The following MTG1 variants were observed in gnomAD, a reference collection of about 807,000 sequenced individuals.
MTG1 encodes mitochondrial ribosome-associated GTPase 1.
MTG1 carries 30 observed loss-of-function variants against 39.5 expected under a neutral mutation model. That is an observed-to-expected ratio of 0.76 (90% CI 0.57 to 1.03). The LOEUF is 1.03. Ranked by LOEUF, MTG1 falls within the 50% of genes least tolerant of loss-of-function variation. The pLI is 0.00. For synonymous variants in MTG1, 217 were observed against 179.0 expected (o/e 1.21, Z -1.69); for missense variants, 513 against 447.4 (o/e 1.15, Z -1.32).
At chr10:133,401,648 A>AGACG in intron 7 of MTG1, 58 bp downstream of exon 7, 1 of 1,530,022 alleles carries the variant, frequency 6.5e-7, no homozygotes, top group Non-Finnish European at 9.0e-7. Flanking sequence ...GGCGTCTGGC[A>AGACG]CCTGCCGACC....
intron 9 of MTG1, among the ~76,000 whole-genome samples, chr10:133,416,018 C>CGCGG (rs1850125232): frequency 1.4e-5 from 1 of 69,834 alleles, no homozygotes; most frequent in Non-Finnish European, 2.8e-5. Flanking sequence ...GTGTCGGGCA[C>CGCGG]GTGGGTGTCG....
chr10:133,412,241 T>C (rs1001375463), intron 9 of MTG1, among the ~76,000 whole-genome samples: 1 of 152,206 alleles, frequency 6.6e-6, no homozygotes, highest in Non-Finnish European at 1.5e-5. Context: ...GCCAGATTGC[T>C]TCTACTTCTC....
intron 9 of MTG1, among the ~76,000 whole-genome samples, chr10:133,408,767 C>T (rs931034118): frequency 6.6e-6 from 1 of 152,148 alleles, no homozygotes; most frequent in African/African-American, 2.4e-5. Flanking sequence ...CTTCATGGCT[C>T]AGTCTTGCAG....
intron 3 of MTG1, among the ~76,000 whole-genome samples, chr10:133,396,533 G>C (rs902747320): frequency 6.6e-6 from 1 of 152,208 alleles, no homozygotes; most frequent in East Asian, 1.9e-4. Context: ...GAGCCCGAGT[G>C]GTCAGTGAGT....
At chr10:133,394,803 C>CTGT in intron 1 of MTG1, 10 of 943,354 alleles carry the variant, frequency 1.1e-5, no homozygotes, top group Non-Finnish European at 1.3e-5. Flanking sequence ...GTAATTCTTA[C>CTGT]TGTTTGTCAC....
Position 133,402,686 on chromosome 10 carries a change from C to A in MTG1, c.671-6C>A. 1 of 1,600,838 alleles carries A rather than the reference C, an allele frequency of 6.2e-7. No individual in the cohort carries two copies. Reference sequence around the variant, plus strand: ...CCAGTGCTCACCTCGGCTGCTGCTTCCACAGGAACGGTGCTGGACCACCTG... The same window carrying A: ...CCAGTGCTCACCTCGGCTGCTGCTTACACAGGAACGGTGCTGGACCACCTG... On this transcript the variant is annotated splice_region_variant and splice_polypyrimidine_tract_variant and intron_variant, in intron 8 of 10. Coordinates refer to ENST00000317502, the MANE Select transcript of MTG1 (RefSeq NM_138384.4). The surrounding 1 kb of genome is among the most constrained non-coding windows in gnomAD (Gnocchi z 4.7).
rs151315726 is a variant in MTG1, at chr10:133,418,560, C to T, written c.753-920C>T. Among the ~76,000 whole-genome samples, 496 of 151,966 alleles carry T rather than the reference C, an allele frequency of 3.3e-3. 2 individuals carry two copies. The highest frequency in any genetic ancestry group is 0.011 in the African/African-American group (458 of 41,440). On this transcript the variant is annotated intron_variant, in intron 9 of 10. Coordinates refer to ENST00000317502, the MANE Select transcript of MTG1 (RefSeq NM_138384.4). Reference sequence around the variant, plus strand: ...ATTCAGAGCTCATGCTTGGTGCCTCCGAGAAGTTAGATTTAGAACCTGTGT... The same window carrying T: ...ATTCAGAGCTCATGCTTGGTGCCTCTGAGAAGTTAGATTTAGAACCTGTGT...
intron 6 of MTG1, among the ~76,000 whole-genome samples, chr10:133,400,735 ACT>A (rs1278761875): frequency 6.6e-6 from 1 of 152,086 alleles, no homozygotes; most frequent in Non-Finnish European, 1.5e-5. Context: ...TGAAAATGAA[ACT>A]CTGTAAATAC....
rs189342412 is a variant in MTG1 at position 133,418,097 on chromosome 10, G to A, written c.753-1383G>A. ...CAGCCCACTGCAGCCTCCACCTCCT[G>A]GGTTCAAGCGATTCTCCCGCCTTAG... On this transcript the variant is annotated intron_variant, in intron 9 of 10. Coordinates refer to ENST00000317502, the MANE Select transcript of MTG1 (RefSeq NM_138384.4). 2.6e-3 allele frequency among the ~76,000 whole-genome samples: 395 copies of A among 152,250 alleles called. 2 individuals carry two copies. In the Middle Eastern group the frequency reaches 0.027, roughly 10 times the overall value.
In MTG1 at chr10:133,404,089, T is replaced by C. The variant is rs1849930938; in HGVS notation, c.752+1316T>C. Among the ~76,000 whole-genome samples, 3 of 151,160 alleles carry C rather than the reference T, an allele frequency of 2.0e-5. No individual in the cohort carries two copies. In the South Asian group the frequency reaches 6.3e-4, roughly 32 times the overall value. ...TCAAATCCTTTTCCCTTTTTTTTTT[T>C]TTAACTGAGTTGTTTCTTTCCTTAT... is the stretch of plus-strand genomic sequence containing the variant. On this transcript the variant is annotated intron_variant, in intron 9 of 10. Coordinates refer to ENST00000317502, the MANE Select transcript of MTG1 (RefSeq NM_138384.4).
Position 133,420,222 on chromosome 10 carries a change from G to A in MTG1, c.*57G>A. 6.5e-7 allele frequency: 1 copy of A among 1,544,228 alleles called. No homozygotes were observed. The highest frequency in any genetic ancestry group is 1.2e-5 in the South Asian group (1 of 82,050). ...TGGCCTCCCAGACCTCCTGACCTGG[G>A]TGGTTGAGGCTCAAGACAGCTCACC... On this transcript the variant is annotated 3_prime_UTR_variant, in exon 11 of 11. Coordinates refer to ENST00000317502, the MANE Select transcript of MTG1 (RefSeq NM_138384.4).
intron 7 of MTG1, 153 bp downstream of exon 7, chr10:133,401,743 CT>C (rs1016728836): frequency 1.6e-5 from 12 of 761,368 alleles, no homozygotes; most frequent in Admixed American, 2.0e-5. Flanking sequence ...GGCACTGCCC[CT>C]GCCCTTATTC....
In MTG1 at chr10:133,410,011, G is replaced by C. The variant is rs1850022462; in HGVS notation, c.752+7238G>C. ...GTCGGTTTCTTATAGGTAGCATATA[G>C]TTTGATCTTGTTTTTTATCCATTTA... On this transcript the variant is annotated intron_variant, in intron 9 of 10. Coordinates refer to ENST00000317502, the MANE Select transcript of MTG1 (RefSeq NM_138384.4). Among the ~76,000 whole-genome samples, 6 of 151,326 alleles carry C rather than the reference G, an allele frequency of 4.0e-5. No homozygotes were observed. In the South Asian group the frequency reaches 1.3e-3, roughly 32 times the overall value.
At chr10:133,419,987 G>A in intron 10 of MTG1, 39 bp from the exon 11 acceptor site, 1 of 1,577,724 alleles carries the variant, frequency 6.3e-7, no homozygotes, top group Non-Finnish European at 8.6e-7. Flanking sequence ...CTGTCCTGCT[G>A]TGAAGGCTCC....
chr10:133,416,624 A>G (rs71484072), intron 9 of MTG1, among the ~76,000 whole-genome samples: 28,245 of 135,874 alleles, frequency 0.21, 3,208 homozygotes, highest in East Asian at 0.37. Context: ...TCATTGTTCA[A>G]TTCCCACCTA....
At chr10:133,396,872 G>T (rs187294130) in intron 3 of MTG1, among the ~76,000 whole-genome samples, 1 of 152,306 alleles carries the variant, frequency 6.6e-6, no homozygotes, top group Non-Finnish European at 1.5e-5. Context: ...TAGCGGTAAC[G>T]CCAGTGTCTG....
Position 133,409,684 on chromosome 10 carries a change from A to G in MTG1, c.752+6911A>G, listed in dbSNP as rs150202708. On this transcript the variant is annotated intron_variant, in intron 9 of 10. Coordinates refer to ENST00000317502, the MANE Select transcript of MTG1 (RefSeq NM_138384.4). ...CTTTCAATCTATCAATGTTTGCTTTATATATCTGGGTGCTCTGGTGTTGGG... is the reference window on the plus strand; with the variant it reads ...CTTTCAATCTATCAATGTTTGCTTTGTATATCTGGGTGCTCTGGTGTTGGG... Among the ~76,000 whole-genome samples the G allele has an allele frequency of 1.6e-4, 24 of 152,280 alleles. No homozygotes were observed. In the East Asian group the frequency reaches 4.2e-3, roughly 27 times the overall value.
At chr10:133,412,841 A>G (rs1850066727) in intron 9 of MTG1, among the ~76,000 whole-genome samples, 2 of 151,658 alleles carry the variant, frequency 1.3e-5, no homozygotes, top group Non-Finnish European at 2.9e-5. Flanking sequence ...TTATTTTTTT[A>G]TTTCTACTTT....
chr10:133,400,781 G>C (rs534891201), intron 6 of MTG1, among the ~76,000 whole-genome samples: 1 of 152,108 alleles, frequency 6.6e-6, no homozygotes, highest in African/African-American at 2.4e-5. Context: ...TACACCCCTC[G>C]TTCCACTTTC....
Sources: allele counts gnomAD v4.1 joint callset (sites outside exome capture counted in the v4.1 genomes callset), GRCh38; gene constraint gnomAD v4.1.1; non-coding constraint Gnocchi (gnomAD v3.1); transcripts MANE v1.5; gene names NCBI Gene and HGNC (gene_info 2026-07-23, HGNC 2026-07-21).